CELF2: variants seen among roughly 807,000 people sequenced by gnomAD.
CELF2 encodes CUGBP Elav-like family member 2, also known as CUG triplet repeat RNA-binding protein 2.
In CELF2, 8 loss-of-function variants were observed where a neutral mutation model predicts 62.6. The observed-to-expected ratio is 0.13, with a 90% CI of 0.07 to 0.23. CELF2 has a LOEUF of 0.23. CELF2 is among the 10% of genes least tolerant of loss of function. The pLI is 1.00. For synonymous variants in CELF2, 258 were observed against 250.0 expected, an observed-to-expected ratio of 1.03 and a Z score of -0.30; for missense variants, 333 against 671.0, an observed-to-expected ratio of 0.50 and a Z score of 5.56.
At chr10:11,147,398 A>C (rs1460991782) in intron 1 of CELF2, among the ~76,000 whole-genome samples, 2 of 152,214 alleles carry the variant, frequency 1.3e-5, no homozygotes, top group Non-Finnish European at 2.9e-5. Context: ...CTAAATATTT[A>C]AAGAACACTT....
intron 1 of CELF2, among the ~76,000 whole-genome samples, chr10:11,163,172 C>G (rs1358123201): frequency 6.6e-6 from 1 of 152,206 alleles, no homozygotes; most frequent in Non-Finnish European, 1.5e-5. Context: ...ACTGCTTGCT[C>G]TAGAATTCTG....
rs754826276 is a variant in CELF2 at position 10,979,886 on chromosome 10, CTA to C, written c.89+59889_89+59890del. The stretch of plus-strand genomic sequence containing the variant: ...TATGTAATTGCAAGGATTGTGGTAA[CTA>C]TTTGTTCTGTTCCTTTTTGATAAGA... On this transcript the variant is annotated intron_variant, in intron 2 of 13. Transcript: ENST00000636488. Among the ~76,000 whole-genome samples the C allele has an allele frequency of 8.4e-4, 128 of 152,224 alleles. 2 individuals are homozygous for C. The highest frequency in any genetic ancestry group is 2.1e-3 in the South Asian group (10 of 4,814).
At chr10:10,862,149 G>T (rs1355568840) in intron 1 of CELF2, among the ~76,000 whole-genome samples, 1 of 152,196 alleles carries the variant, frequency 6.6e-6, no homozygotes, top group Non-Finnish European at 1.5e-5. Flanking sequence ...ATTAAGGTAT[G>T]TAGAGGCCCT....
the CELF2 span, among the ~76,000 whole-genome samples, chr10:10,473,170 G>A: frequency 6.6e-6 from 1 of 151,918 alleles, no homozygotes; most frequent in Non-Finnish European, 1.5e-5. Context: ...AATCATACAG[G>A]AGTAAGCTGG....
rs1040115150 is a variant in CELF2 at position 11,117,990 on chromosome 10, G to A, written c.75-47496G>A. 1.3e-5 allele frequency among the ~76,000 whole-genome samples: 2 copies of A among 152,054 alleles called. No individual in the cohort carries two copies. The highest frequency in any genetic ancestry group is 4.8e-5 in the African/African-American group (2 of 41,374). On this transcript the variant is annotated intron_variant, in intron 1 of 12. Transcript: ENST00000633077. This position sits in a 1 kb window ranked among gnomAD's most constrained non-coding sequence, Gnocchi z 4.1. ...GGCTGTGTGGAAATGTTCATTCTCTGCTTCTATGTTTTTAAAAAACAAAAG... is the reference window on the plus strand; with the variant it reads ...GGCTGTGTGGAAATGTTCATTCTCTACTTCTATGTTTTTAAAAAACAAAAG...
intron 9 of CELF2, among the ~76,000 whole-genome samples, chr10:11,312,137 T>C (rs1458054941): frequency 6.6e-6 from 1 of 152,152 alleles, no homozygotes; most frequent in Non-Finnish European, 1.5e-5. Flanking sequence ...GGCCATAAAA[T>C]GTGCTTGGAA....
the CELF2 span, among the ~76,000 whole-genome samples, chr10:10,708,587 T>C: frequency 2.3e-4 from 35 of 152,246 alleles, no homozygotes; most frequent in Non-Finnish European, 4.7e-4. Flanking sequence ...GAAAAGTCAG[T>C]GACTCAAGAA....
chr10:11,085,038 A>G (rs1426141164), intron 1 of CELF2, among the ~76,000 whole-genome samples: 1 of 152,202 alleles, frequency 6.6e-6, no homozygotes, highest in Non-Finnish European at 1.5e-5. Context: ...TTAGTTGATA[A>G]TACAATGATA....
chr10:11,290,658 G>A lies in CELF2; in HGVS notation c.976+2106G>A, dbSNP rs1380980587. 2.0e-5 allele frequency among the ~76,000 whole-genome samples: 3 copies of A among 152,168 alleles called. No homozygotes were observed. Among genetic ancestry groups the A allele is most frequent in the African/African-American group, 7.2e-5 (3 of 41,426 alleles). On this transcript the variant is annotated intron_variant, in intron 9 of 12. Transcript: ENST00000633077. This position sits in a 1 kb window ranked among gnomAD's most constrained non-coding sequence, Gnocchi z 4.3. The stretch of plus-strand genomic sequence containing the variant: ...ACTGCAGTGGAGGAAAATGTGTTGT[G>A]GGATGAGCCTTCCTCCCTGCTGGAG...
Position 10,990,555 on chromosome 10 carries a change from T to C in CELF2, c.89+70556T>C, listed in dbSNP as rs752317514. Among the ~76,000 whole-genome samples, 1 of 152,190 alleles carries C rather than the reference T, an allele frequency of 6.6e-6. No homozygotes were observed. Among genetic ancestry groups the C allele is most frequent in the Non-Finnish European group, 1.5e-5 (1 of 68,026 alleles). On this transcript the variant is annotated intron_variant, in intron 2 of 13. Coordinates refer to the CELF2 transcript ENST00000636488. The surrounding 1 kb of genome is among the most constrained non-coding windows in gnomAD (Gnocchi z 4.6). Reference sequence around the variant, plus strand: ...TATCACTAAATCTGAGTTAATGGCATCTAAATTAAGAGTCTTTCAATGGTA... The same window carrying C: ...TATCACTAAATCTGAGTTAATGGCACCTAAATTAAGAGTCTTTCAATGGTA...
Position 10,908,000 on chromosome 10 carries a change from A to G in CELF2, c.54-11964A>G, listed in dbSNP as rs536702026. ...AATGGGTAAAATGCCTCATGAATGG[A>G]AAGATGTTCATCTCTCTCTCTCTCC... On this transcript the variant is annotated intron_variant, in intron 1 of 13. Transcript: ENST00000636488. 9.2e-5 allele frequency among the ~76,000 whole-genome samples: 14 copies of G among 152,192 alleles called. No homozygotes were observed. The East Asian group carries it at 2.5e-3, about 27-fold the overall frequency.
At chr10:10,886,181 T>C (rs2061736629) in intron 1 of CELF2, among the ~76,000 whole-genome samples, 1 of 152,124 alleles carries the variant, frequency 6.6e-6, no homozygotes, top group Non-Finnish European at 1.5e-5. Context: ...TTCCTTCCTC[T>C]CTTTTTGTAG....
intron 1 of CELF2, among the ~76,000 whole-genome samples, chr10:11,037,843 TTTAAA>T (rs1239710117): frequency 6.6e-6 from 1 of 152,122 alleles, no homozygotes; most frequent in Non-Finnish European, 1.5e-5. Context: ...GTCCTATGAT[TTTAAA>T]TTTAATTTTT....
chr10:11,107,366 C>G (rs987979996), intron 1 of CELF2, among the ~76,000 whole-genome samples: 2 of 152,120 alleles, frequency 1.3e-5, no homozygotes, highest in Admixed American at 1.3e-4. Context: ...GTGGACACCA[C>G]ACACTTGTGA....
intron 2 of CELF2, among the ~76,000 whole-genome samples, chr10:11,184,325 A>C (rs2074272574): frequency 6.6e-6 from 1 of 152,252 alleles, no homozygotes; most frequent in African/African-American, 2.4e-5. Flanking sequence ...TTGAAGTCAG[A>C]TACTGTTAGT....
chr10:10,637,369 A>G, the CELF2 span, among the ~76,000 whole-genome samples: 4 of 152,304 alleles, frequency 2.6e-5, no homozygotes, highest in Non-Finnish European at 5.9e-5. Context: ...TAGATCCTAG[A>G]ACTCAGGCCA....
chr10:11,320,867 C>T, intron 10 of CELF2: 1 of 1,540,494 alleles, frequency 6.5e-7, no homozygotes, highest in Non-Finnish European at 8.7e-7. Flanking sequence ...CTCCCAGAAG[C>T]AAAAGGCTTT....
At chr10:10,963,408 G>GGTTA (rs2049768023) in intron 2 of CELF2, among the ~76,000 whole-genome samples, 1 of 152,032 alleles carries the variant, frequency 6.6e-6, no homozygotes, top group Non-Finnish European at 1.5e-5. Context: ...TTTCACACTT[G>GGTTA]AGGCTGTCAT....
intron 1 of CELF2, among the ~76,000 whole-genome samples, chr10:11,055,557 G>C (rs774975009): frequency 2.0e-5 from 3 of 152,232 alleles, no homozygotes; most frequent in Non-Finnish European, 2.9e-5. Flanking sequence ...ATACACTTAT[G>C]AGTGACTGGG....
Sources: allele counts gnomAD v4.1 joint callset (sites outside exome capture counted in the v4.1 genomes callset), GRCh38; gene constraint gnomAD v4.1.1; non-coding constraint Gnocchi (gnomAD v3.1); transcripts MANE v1.5; gene names NCBI Gene and HGNC (gene_info 2026-07-23, HGNC 2026-07-21).